SLC7A14: variants seen among roughly 807,000 people sequenced by gnomAD.
The protein encoded by SLC7A14 is gamma-aminobutyric acid transporter SLC7A14.
A neutral mutation model predicts 60.2 loss-of-function variants in SLC7A14; 37 were observed. The observed-to-expected ratio is 0.61, with a 90% CI of 0.47 to 0.81. SLC7A14 has a LOEUF of 0.81. Ranked by LOEUF, SLC7A14 falls within the 30% of genes least tolerant of loss-of-function variation. SLC7A14 has a pLI of 0.00. For synonymous variants in SLC7A14, 399 were observed against 395.8 expected (o/e 1.01, Z -0.10); for missense variants, 886 against 982.7 (o/e 0.90, Z 1.32).
chr3:170,495,646 A>T (rs1455813734), intron 4 of SLC7A14: 2 of 833,672 alleles, frequency 2.4e-6, no homozygotes, highest in Admixed American at 3.4e-5. Context: ...GTCACGTTCA[A>T]CCAGAGCCTG....
rs1310909433 is a variant in SLC7A14 at position 170,464,006 on chromosome 3, A to T, written c.*3049T>A. ...ATTACCACTAATTCTATTATTTTTC[A>T]TGGTGTCACTCATTGGCAAATTTAG... On this transcript the variant is annotated 3_prime_UTR_variant, in exon 8 of 8. Transcript: ENST00000231706. The T allele has an allele frequency of 6.6e-6, 1 of 152,160 alleles. No homozygotes were observed. Among genetic ancestry groups the T allele is most frequent in the East Asian group, 1.9e-4 (1 of 5,204 alleles). The allele number at this position is 152,160 out of a possible 1,614,324, so 9.4% of individuals were successfully genotyped here.
intron 1 of SLC7A14, among the ~76,000 whole-genome samples, chr3:170,569,787 T>A (rs1329359242): frequency 1.3e-5 from 2 of 152,196 alleles, no homozygotes; most frequent in African/African-American, 2.4e-5. Flanking sequence ...GATTTTCTAG[T>A]TTATTTGTGT....
At chr3:170,492,217 T>C (rs555851011) in intron 4 of SLC7A14, among the ~76,000 whole-genome samples, 1 of 152,290 alleles carries the variant, frequency 6.6e-6, no homozygotes, top group African/African-American at 2.4e-5. Flanking sequence ...GGGGTGAGCA[T>C]CTGTGAATAA....
At chr3:170,542,338 G>A (rs982178228) in intron 1 of SLC7A14, among the ~76,000 whole-genome samples, 4 of 152,102 alleles carry the variant, frequency 2.6e-5, no homozygotes, top group Non-Finnish European at 4.4e-5. Context: ...TTCATGGACT[G>A]TCCTAAGAAT....
At position 170,460,070 on chromosome 3, in the gene SLC7A14, A is replaced by G. The variant is rs1352935282; in HGVS notation, c.*6985T>C. The G allele has an allele frequency of 2.0e-5, 3 of 152,226 alleles. No individual in the cohort carries two copies. 9.4% of individuals were successfully genotyped at this position (152,226 alleles called of 1,614,324 possible). A position where few individuals can be genotyped will look rare whatever the true frequency, so the allele number is the denominator to read the frequency against. On this transcript the variant is annotated 3_prime_UTR_variant, in exon 8 of 8. Transcript: ENST00000231706. ...TATTTCTTTCTTCATGATACACTAC[A>G]TTGTACAGCACACCAATGGGAATTA...
At chr3:170,513,165 G>A (rs1344416957) in intron 2 of SLC7A14, among the ~76,000 whole-genome samples, 1 of 151,984 alleles carries the variant, frequency 6.6e-6, no homozygotes, top group Admixed American at 6.6e-5. Flanking sequence ...TGACTCCCTT[G>A]GATACACTGG....
intron 4 of SLC7A14, among the ~76,000 whole-genome samples, chr3:170,487,889 C>G (rs1189199478): frequency 6.6e-6 from 1 of 152,130 alleles, no homozygotes; most frequent in African/African-American, 2.4e-5. Flanking sequence ...ACTAACAATA[C>G]CTGTGCCTGT....
At chr3:170,481,189 G>A in intron 6 of SLC7A14, 23 bp from the exon 7 acceptor site, 2 of 1,602,176 alleles carry the variant, frequency 1.2e-6, no homozygotes, top group Middle Eastern at 1.7e-4. Context: ...GGCAAGCAGA[G>A]GGTTAATGGT....
rs925197104 is a variant in SLC7A14 at position 170,535,069 on chromosome 3, C to T, written c.-152-7981G>A. The stretch of plus-strand genomic sequence containing the variant: ...TCACAGTTTGACATCACCTTCTCCT[C>T]TCCTTTTCCATGGACCTCAGGTCCG... On this transcript the variant is annotated intron_variant, in intron 1 of 7. Transcript: ENST00000231706. The surrounding 1 kb of genome is among the most constrained non-coding windows in gnomAD (Gnocchi z 4.3). 6.6e-6 allele frequency among the ~76,000 whole-genome samples: 1 copy of T among 152,122 alleles called. No individual in the cohort carries two copies. Among genetic ancestry groups the T allele is most frequent in the Non-Finnish European group, 1.5e-5 (1 of 68,034 alleles).
chr3:170,578,181 C>G (rs973969672), intron 1 of SLC7A14, among the ~76,000 whole-genome samples: 5 of 152,248 alleles, frequency 3.3e-5, no homozygotes, highest in African/African-American at 1.2e-4. Context: ...TGTGGCTGGC[C>G]ACACATTCTG....
At chr3:170,492,706 C>T (rs549517106) in intron 4 of SLC7A14, among the ~76,000 whole-genome samples, 2 of 152,244 alleles carry the variant, frequency 1.3e-5, no homozygotes, top group Middle Eastern at 3.4e-3. Flanking sequence ...TGGCCTGCTA[C>T]TCAGTATGTG....
At chr3:170,584,276 G>A (rs1476343603) in intron 1 of SLC7A14, among the ~76,000 whole-genome samples, 1 of 152,212 alleles carries the variant, frequency 6.6e-6, no homozygotes, top group Admixed American at 6.5e-5. Flanking sequence ...ATAACATGCA[G>A]TGGGGAAAGA....
chr3:170,544,530 C>T (rs1714121547), intron 1 of SLC7A14, among the ~76,000 whole-genome samples: 3 of 152,154 alleles, frequency 2.0e-5, no homozygotes, highest in African/African-American at 7.2e-5. Context: ...GATTTATATG[C>T]AGTTCTTGAT....
chr3:170,496,488 C>T (rs1051482976), intron 4 of SLC7A14: 8 of 1,389,444 alleles, frequency 5.8e-6, no homozygotes, highest in Admixed American at 1.7e-5. Context: ...CAGCGCCAAG[C>T]GGTCGGAGCT....
At chr3:170,482,722 G>A (rs1050084134) in intron 6 of SLC7A14, among the ~76,000 whole-genome samples, 1 of 152,166 alleles carries the variant, frequency 6.6e-6, no homozygotes, top group Non-Finnish European at 1.5e-5. Context: ...AGGGATTTGT[G>A]GCAATTTTGT....
rs779991599 is a variant in SLC7A14, at chr3:170,585,375, A to T, written c.-153+536T>A. Among the ~76,000 whole-genome samples, 8 of 151,790 alleles carry T rather than the reference A, an allele frequency of 5.3e-5. No individual in the cohort carries two copies. The highest frequency in any genetic ancestry group is 4.6e-4 in the Admixed American group (7 of 15,280). ...GGGCTCGGCGGGAGTCCCTTTGAGG[A>T]GTTTGCTCCCAGGTAAAAGGGCAGA... On this transcript the variant is annotated intron_variant, in intron 1 of 7. Coordinates refer to ENST00000231706, the MANE Select transcript of SLC7A14 (RefSeq NM_020949.3). This position sits in a 1 kb window ranked among gnomAD's most constrained non-coding sequence, Gnocchi z 5.1.
intron 1 of SLC7A14, among the ~76,000 whole-genome samples, chr3:170,564,723 G>A (rs1714748044): frequency 6.6e-6 from 1 of 152,156 alleles, no homozygotes; most frequent in Admixed American, 6.5e-5. Context: ...TAGGACTGTT[G>A]CCCTAATTTG....
At chr3:170,487,820 G>GT (rs1228764056) in intron 4 of SLC7A14, among the ~76,000 whole-genome samples, 3 of 152,156 alleles carry the variant, frequency 2.0e-5, no homozygotes, top group African/African-American at 7.2e-5. Flanking sequence ...AATTGCATAT[G>GT]TTTTTCACTA....
intron 2 of SLC7A14, among the ~76,000 whole-genome samples, chr3:170,525,286 G>A (rs1041335494): frequency 1.3e-5 from 2 of 152,238 alleles, no homozygotes; most frequent in Non-Finnish European, 2.9e-5. Flanking sequence ...TGCTACTCAA[G>A]AGAAAAGGAA....
Sources: allele counts gnomAD v4.1 joint callset (sites outside exome capture counted in the v4.1 genomes callset), GRCh38; gene constraint gnomAD v4.1.1; non-coding constraint Gnocchi (gnomAD v3.1); transcripts MANE v1.5; gene names NCBI Gene and HGNC (gene_info 2026-07-23, HGNC 2026-07-21).